GALNTL6: variants seen among roughly 807,000 people sequenced by gnomAD.
GALNTL6 encodes the protein polypeptide N-acetylgalactosaminyltransferase-like 6.
GALNTL6 carries 46 observed loss-of-function variants against 73.7 expected under a neutral mutation model. The observed-to-expected ratio is 0.62, with a 90% confidence interval of 0.49 to 0.80. GALNTL6 has a LOEUF of 0.80. Ranked by LOEUF, GALNTL6 falls within the 30% of genes least tolerant of loss-of-function variation. The probability of loss-of-function intolerance (pLI) is 0.00; values close to 1 mark genes in which losing one functional copy is unlikely to be tolerated. For missense variants in GALNTL6, 604 were observed against 755.0 expected (o/e 0.80, Z 2.34); for synonymous variants, 259 against 263.7 (o/e 0.98, Z 0.17).
chr4:171,871,945 C>A (rs10004579), intron 2 of GALNTL6, among the ~76,000 whole-genome samples: 35,996 of 151,858 alleles, frequency 0.24, 4,367 homozygotes, highest in Middle Eastern at 0.32. Context: ...CAGTGTTGCA[C>A]CCTCCACAAT....
intron 5 of GALNTL6, among the ~76,000 whole-genome samples, chr4:172,466,112 C>A (rs1377225322): frequency 6.6e-6 from 1 of 152,102 alleles, no homozygotes; most frequent in African/African-American, 2.4e-5. Flanking sequence ...TTTGAAGGAA[C>A]GATGAAATGA....
At chr4:171,817,103 T>C (rs1003809936) in intron 2 of GALNTL6, among the ~76,000 whole-genome samples, 1 of 152,058 alleles carries the variant, frequency 6.6e-6, no homozygotes, top group Non-Finnish European at 1.5e-5. Flanking sequence ...CATTTACTAC[T>C]ATACTTCTCC....
chr4:172,908,345 G>T (rs1747015496), intron 8 of GALNTL6, among the ~76,000 whole-genome samples: 1 of 151,964 alleles, frequency 6.6e-6, no homozygotes, highest in Non-Finnish European at 1.5e-5. Flanking sequence ...TATTTCAACT[G>T]AAAAGCTATC....
intron 2 of GALNTL6, among the ~76,000 whole-genome samples, chr4:171,967,449 T>TTTTTTTGTTTG (rs1553976638): frequency 8.3e-6 from 1 of 120,356 alleles, no homozygotes; most frequent in Non-Finnish European, 1.6e-5. Flanking sequence ...CCCTATGGGT[T>TTTTTTTGTTTG]TTTTTTTTTT....
chr4:172,898,362 TA>T (rs1746442642), intron 8 of GALNTL6, among the ~76,000 whole-genome samples: 1 of 142,548 alleles, frequency 7.0e-6, no homozygotes, highest in Non-Finnish European at 1.5e-5. Flanking sequence ...AGCTTATAAA[TA>T]AAAATAATTA....
At chr4:172,250,985 C>T (rs769074926) in intron 3 of GALNTL6, among the ~76,000 whole-genome samples, 2 of 152,074 alleles carry the variant, frequency 1.3e-5, no homozygotes, top group African/African-American at 2.4e-5. Flanking sequence ...TTTTTAAATA[C>T]AGACACATTG....
At chr4:172,299,873 G>A (rs1453145987) in intron 3 of GALNTL6, among the ~76,000 whole-genome samples, 5 of 152,216 alleles carry the variant, frequency 3.3e-5, no homozygotes, top group Non-Finnish European at 7.3e-5. Flanking sequence ...TTCTGTAGAT[G>A]TCTATTAGGT....
rs574147877 is a variant in GALNTL6 at position 171,929,662 on chromosome 4, CT to C, written c.138+114945del. 6.6e-5 allele frequency among the ~76,000 whole-genome samples: 10 copies of C among 152,306 alleles called. No homozygotes were observed. The South Asian group carries it at 1.4e-3, about 22-fold the overall frequency. ...GGCAGCCAATCTGGTCAGACCGCAC[CT>C]CATTGCAGAGAGTGCTGCACAGCTG... On this transcript the variant is annotated intron_variant, in intron 2 of 12. Transcript: ENST00000506823.
intron 5 of GALNTL6, among the ~76,000 whole-genome samples, chr4:172,476,918 G>A (rs925539433): frequency 5.8e-5 from 8 of 137,184 alleles, no homozygotes; most frequent in Non-Finnish European, 1.1e-4. Flanking sequence ...TATGGCTTAA[G>A]AGACTTTTTT....
At chr4:172,452,976 G>A (rs1262259349) in intron 5 of GALNTL6, among the ~76,000 whole-genome samples, 3 of 152,212 alleles carry the variant, frequency 2.0e-5, no homozygotes, top group Non-Finnish European at 4.4e-5. Flanking sequence ...GCCGAAGTGA[G>A]TGTATTACCT....
At chr4:172,463,422 A>G (rs866638691) in intron 5 of GALNTL6, among the ~76,000 whole-genome samples, 3 of 152,284 alleles carry the variant, frequency 2.0e-5, no homozygotes, top group Middle Eastern at 3.4e-3. Flanking sequence ...TCATAATTAT[A>G]ATGCCTATAT....
intron 2 of GALNTL6, among the ~76,000 whole-genome samples, chr4:171,843,730 C>A (rs1001387441): frequency 4.0e-5 from 6 of 151,716 alleles, no homozygotes; most frequent in African/African-American, 1.5e-4. Context: ...GAATTTACTG[C>A]CAAAAAAAAT....
chr4:171,874,137 T>G (rs1371714194), intron 2 of GALNTL6, among the ~76,000 whole-genome samples: 1 of 152,200 alleles, frequency 6.6e-6, no homozygotes, highest in African/African-American at 2.4e-5. Context: ...TAATAATAGA[T>G]TTGACACAAA....
In GALNTL6 at chr4:171,982,689, T is replaced by C. The variant is rs564369705; in HGVS notation, c.138+167971T>C. 2.0e-4 allele frequency among the ~76,000 whole-genome samples: 30 copies of C among 152,298 alleles called. 1 individual carries two copies. The highest frequency in any genetic ancestry group is 6.0e-4 in the African/African-American group (25 of 41,556). On this transcript the variant is annotated intron_variant, in intron 2 of 12. Transcript: ENST00000506823. Reference sequence around the variant, plus strand: ...CAACCCCTTGATAGTAAATCAAGGATAATTGATAGATTTCAACATTTGACT... The same window carrying C: ...CAACCCCTTGATAGTAAATCAAGGACAATTGATAGATTTCAACATTTGACT...
intron 5 of GALNTL6, chr4:172,668,410 T>G (rs1731787292): frequency 6.6e-6 from 1 of 152,242 alleles, no homozygotes; most frequent in Middle Eastern, 3.4e-3. Flanking sequence ...AGCCACATAA[T>G]TTGAGAGTGT....
At chr4:172,329,925 C>T (rs377714156) in intron 4 of GALNTL6, among the ~76,000 whole-genome samples, 1 of 151,996 alleles carries the variant, frequency 6.6e-6, no homozygotes, top group South Asian at 2.1e-4. Flanking sequence ...CACAGGGCAG[C>T]TACACTGAGG....
Position 171,985,420 on chromosome 4 carries a change from G to T in GALNTL6, c.138+170702G>T, listed in dbSNP as rs544847378. On this transcript the variant is annotated intron_variant, in intron 2 of 12. Coordinates refer to ENST00000506823, the MANE Select transcript of GALNTL6 (RefSeq NM_001034845.3). ...CCCATGATTCTATTATCTCCCACCA[G>T]GTCCCTCCCACAACATGTGGGAATT... is the stretch of plus-strand genomic sequence containing the variant. Among the ~76,000 whole-genome samples, 211 of 152,248 alleles carry T rather than the reference G, an allele frequency of 1.4e-3. 3 individuals are homozygous for T. The highest frequency in any genetic ancestry group is 5.0e-3 in the African/African-American group (206 of 41,554).
At chr4:172,363,268 G>GT (rs1420844520) in intron 5 of GALNTL6, among the ~76,000 whole-genome samples, 2 of 152,022 alleles carry the variant, frequency 1.3e-5, no homozygotes, top group East Asian at 1.9e-4. Context: ...TTCTTTCTGT[G>GT]TTTTTTCTTC....
chr4:172,844,634 C>T (rs1036899589), intron 7 of GALNTL6, among the ~76,000 whole-genome samples: 2 of 152,168 alleles, frequency 1.3e-5, no homozygotes, highest in Non-Finnish European at 2.9e-5. Flanking sequence ...AAAATGGTGA[C>T]CACGTGGTTG....
Sources: gnomAD v4.1 joint callset for allele counts (sites outside exome capture counted in the v4.1 genomes callset) on GRCh38, gnomAD v4.1.1 for gene constraint, MANE v1.5 for transcripts, NCBI Gene and HGNC (gene_info 2026-07-23, HGNC 2026-07-21) for gene names.